ZFYVE16: variants seen among roughly 807,000 people sequenced by gnomAD.
ZFYVE16 encodes the protein zinc finger FYVE domain-containing protein 16.
In ZFYVE16, 89 loss-of-function variants were observed where a neutral mutation model predicts 138.1. The ratio of observed to expected loss-of-function variants is 0.64; its 90% confidence interval spans 0.54 to 0.77. The LOEUF (loss-of-function observed/expected upper bound fraction) is 0.77. Among genes scored for constraint, ZFYVE16 ranks in the 30% least tolerant of loss-of-function variants. The pLI is 0.00. For missense variants in ZFYVE16, 1,793 were observed against 1,786.7 expected (o/e 1.00, Z -0.06); for synonymous variants, 596 against 618.3 (o/e 0.96, Z 0.53).
intron 15 of ZFYVE16, among the ~76,000 whole-genome samples, chr5:80,471,404 T>C (rs1452369529): frequency 6.6e-6 from 1 of 152,234 alleles, no homozygotes; most frequent in Non-Finnish European, 1.5e-5. Context: ...CACACTATAT[T>C]GTAAATTCTT....
chr5:80,434,479 T>C (rs757417055), intron 3 of ZFYVE16, among the ~76,000 whole-genome samples: 14 of 152,194 alleles, frequency 9.2e-5, no homozygotes, highest in Non-Finnish European at 1.8e-4. Context: ...TTTTCTTTTC[T>C]TTTCTTTTTA....
Position 80,455,429 on chromosome 5 carries a change from G to T in ZFYVE16, c.3608-263G>T. 8.3e-6 allele frequency: 3 copies of T among 359,608 alleles called. No individual in the cohort carries two copies. The South Asian group carries it at 8.5e-5, about 10-fold the overall frequency. 22.3% of individuals were successfully genotyped at this position (359,608 alleles called of 1,614,324 possible). A position where few individuals can be genotyped will look rare whatever the true frequency, so the allele number is the denominator to read the frequency against. On this transcript the variant is annotated intron_variant, in intron 11 of 18. Coordinates refer to ENST00000505560, the MANE Select transcript of ZFYVE16 (RefSeq NM_001284236.3). Reference sequence around the variant, plus strand: ...CATGCCTATAATCCCAGCTACTTGGGAGGCTGAGGCAGGAGAATTACTTGA... The same window carrying T: ...CATGCCTATAATCCCAGCTACTTGGTAGGCTGAGGCAGGAGAATTACTTGA...
chr5:80,410,706 G>T (rs369373993), intron 1 of ZFYVE16, among the ~76,000 whole-genome samples: 122 of 151,950 alleles, frequency 8.0e-4, no homozygotes, highest in African/African-American at 2.9e-3. Context: ...GAGTAGCTGG[G>T]ACTACAGGCA....
intron 6 of ZFYVE16, 93 bp downstream of exon 6, chr5:80,443,377 A>G: frequency 7.3e-7 from 1 of 1,368,280 alleles, no homozygotes; most frequent in Non-Finnish European, 1.0e-6. Context: ...AAGAGAAACC[A>G]GACTAGGTAT....
intron 15 of ZFYVE16, among the ~76,000 whole-genome samples, chr5:80,469,592 A>C (rs1754090896): frequency 6.6e-6 from 1 of 151,960 alleles, no homozygotes; most frequent in South Asian, 2.1e-4. Flanking sequence ...TTGTCAGCTT[A>C]ATTATGTGTG....
intron 15 of ZFYVE16, among the ~76,000 whole-genome samples, chr5:80,464,974 C>T (rs542304403): frequency 8.2e-6 from 1 of 122,540 alleles, no homozygotes; most frequent in African/African-American, 2.6e-5. Context: ...GTCATTATTG[C>T]CATACAAATT....
intron 2 of ZFYVE16, among the ~76,000 whole-genome samples, chr5:80,433,700 GAAAAA>G (rs995565840): frequency 1.4e-5 from 2 of 145,830 alleles, no homozygotes; most frequent in Non-Finnish European, 3.0e-5. Flanking sequence ...ACTAAAAAAA[GAAAAA>G]AAAAAGCATT....
chr5:80,439,624 G>C (rs1750433347), intron 4 of ZFYVE16, among the ~76,000 whole-genome samples: 1 of 151,990 alleles, frequency 6.6e-6, no homozygotes, highest in South Asian at 2.1e-4. Flanking sequence ...AGTTTTAAAT[G>C]AAGAACTACA....
At chr5:80,421,762 T>C (rs1380767643) in intron 1 of ZFYVE16, among the ~76,000 whole-genome samples, 2 of 152,188 alleles carry the variant, frequency 1.3e-5, no homozygotes, top group Non-Finnish European at 2.9e-5. Context: ...GGCTTAGGAC[T>C]GTCTCGGCAA....
At chr5:80,424,388 C>CT (rs1044580354) in intron 1 of ZFYVE16, among the ~76,000 whole-genome samples, 1 of 151,248 alleles carries the variant, frequency 6.6e-6, no homozygotes, top group African/African-American at 2.4e-5. Context: ...GGTTGCATTG[C>CT]TTTTTTGTCT....
At position 80,459,447 on chromosome 5, in the gene ZFYVE16, C is replaced by T. The variant is rs903474292; in HGVS notation, c.3977C>T (p.Ala1326Val). The change falls in exon 15 of 19, where the codon GCT becomes GTT. Residue 1326 changes from alanine (A) to valine (V), a missense_variant. Coordinates refer to ENST00000505560, the MANE Select transcript of ZFYVE16 (RefSeq NM_001284236.3). ...GCAAGTTTTGTGGTATTCAATGGAG[C>T]TCTAAAAACATCTTCAGGATTTCTT... Reference protein sequence around the residue: ...TGASFVVFNGALKTSSGFLAK... With the variant: ...TGASFVVFNGVLKTSSGFLAK... 1 of 1,613,062 alleles carries T rather than the reference C, an allele frequency of 6.2e-7. No individual in the cohort carries two copies. Among genetic ancestry groups the T allele is most frequent in the African/African-American group, 1.3e-5 (1 of 75,010 alleles).
chr5:80,438,329 G>T lies in ZFYVE16; in HGVS notation c.1644G>T (p.Lys548Asn), dbSNP rs1005221180. The change falls in exon 4 of 19, where the codon AAG becomes AAT. Residue 548 changes from lysine (K) to asparagine (N), a missense_variant. Physicochemically the swap from Lys to Asn is moderately conservative, Grantham distance 94. Coordinates refer to ENST00000505560, the MANE Select transcript of ZFYVE16 (RefSeq NM_001284236.3). ...TEQYLQTTNI[K>N]SFEENVNDSK... Reference sequence around the variant, plus strand: ...AGTATCTTCAGACCACTAACATAAAGTCTTTTGAAGAAAATGTAAATGACT... The same window carrying T: ...AGTATCTTCAGACCACTAACATAAATTCTTTTGAAGAAAATGTAAATGACT... 1.9e-6 allele frequency: 3 copies of T among 1,613,550 alleles called. No homozygotes were observed. The highest frequency in any genetic ancestry group is 2.5e-6 in the Non-Finnish European group (3 of 1,179,864).
Position 80,437,800 on chromosome 5 carries a change from C to T in ZFYVE16, c.1115C>T (p.Pro372Leu), listed in dbSNP as rs552749201. 9.9e-6 allele frequency: 16 copies of T among 1,613,996 alleles called. No homozygotes were observed. Among genetic ancestry groups the T allele is most frequent in the Middle Eastern group, 1.6e-4 (1 of 6,062 alleles). ...TTACATGTTTCCAGTAAAGATGTGC[C>T]GTCCTCATTGTCCTGTCTTCCTGCG... ...SALHVSSKDV[P>L]SSLSCLPASG... Residue 372 changes from proline (P) to leucine (L), a missense_variant, in exon 4 of 19, where the codon CCG (proline) becomes CTG (leucine). Coordinates refer to ENST00000505560, the MANE Select transcript of ZFYVE16 (RefSeq NM_001284236.3).
At chr5:80,424,517 A>C (rs1036990182) in intron 1 of ZFYVE16, among the ~76,000 whole-genome samples, 1 of 148,852 alleles carries the variant, frequency 6.7e-6, no homozygotes, top group Non-Finnish European at 1.5e-5. Context: ...GCTGGAGTGC[A>C]GTGGTGTGAT....
intron 6 of ZFYVE16, 106 bp downstream of exon 6, chr5:80,443,390 A>G (rs1750937647): frequency 7.7e-7 from 1 of 1,293,872 alleles, no homozygotes. Flanking sequence ...CTAGGTATCA[A>G]GAGAGATTTA....
chr5:80,451,896 A>G (rs1055594704), intron 11 of ZFYVE16, 187 bp downstream of exon 11: 4 of 542,012 alleles, frequency 7.4e-6, no homozygotes, highest in Admixed American at 7.2e-5. Context: ...TATGTCTTCA[A>G]GTTTCTAGAT....
At chr5:80,475,730 TCTAA>T (rs1435214921) in intron 18 of ZFYVE16, among the ~76,000 whole-genome samples, 12 of 152,250 alleles carry the variant, frequency 7.9e-5, no homozygotes, top group Admixed American at 3.3e-4. Context: ...CCATAATTTA[TCTAA>T]CTAATTATTC....
At chr5:80,441,467 A>C in intron 5 of ZFYVE16, 4 of 985,350 alleles carry the variant, frequency 4.1e-6, no homozygotes, top group Non-Finnish European at 4.8e-6. Flanking sequence ...TCATTAATTC[A>C]TATGCCACAG....
At position 80,456,483 on chromosome 5, in the gene ZFYVE16, C is replaced by A. The variant is rs779107523; in HGVS notation, c.3713C>A (p.Thr1238Asn). 36 of 1,612,354 alleles carry A rather than the reference C, an allele frequency of 2.2e-5. No homozygotes were observed. Among genetic ancestry groups the A allele is most frequent in the South Asian group, 4.4e-5 (4 of 90,930 alleles). ...TAGGACCTTCGAAATTACCAGTATACCTTGCATAATATAGATCAACTGTTG... is the reference window on the plus strand; with the variant it reads ...TAGGACCTTCGAAATTACCAGTATAACTTGCATAATATAGATCAACTGTTG... ...LLVDLRNYQYTLHNIDQLLIH... is the reference protein window; with the variant it reads ...LLVDLRNYQYNLHNIDQLLIH... The change falls in exon 13 of 19, where the codon ACC becomes AAC. Residue 1238 changes from threonine to asparagine, a missense_variant. Physicochemically the swap from Thr to Asn is moderately conservative, Grantham distance 65 (BLOSUM62 0). Coordinates refer to ENST00000505560, the MANE Select transcript of ZFYVE16 (RefSeq NM_001284236.3).
Sources: gnomAD v4.1 joint callset for allele counts (sites outside exome capture counted in the v4.1 genomes callset) on GRCh38, gnomAD v4.1.1 for gene constraint, MANE v1.5 for transcripts, NCBI Gene and HGNC (gene_info 2026-07-23, HGNC 2026-07-21) for gene names.